Variants in NLGN1 observed in about 807,000 individuals in gnomAD.
The protein encoded by NLGN1 is neuroligin 1.
Under a neutral mutation model 65.5 loss-of-function variants are expected in NLGN1, and 12 were observed. That is an observed-to-expected ratio of 0.18 (90% CI 0.12 to 0.30). NLGN1 has a LOEUF of 0.30. Ranked by LOEUF, NLGN1 falls within the 10% of genes least tolerant of loss-of-function variation. The pLI is 1.00. For synonymous variants in NLGN1, 350 were observed against 359.5 expected, an observed-to-expected ratio of 0.97 and a Z score of 0.30; for missense variants, 750 against 1,007.1, an observed-to-expected ratio of 0.74 and a Z score of 3.46.
rs60140480 is a variant in NLGN1, at chr3:173,445,267, C to CAAAAAA, written c.-321+10212_-321+10217dup. Among the ~76,000 whole-genome samples, 18 of 103,484 alleles carry CAAAAAA rather than the reference C, an allele frequency of 1.7e-4. 1 individual carries two copies. Among genetic ancestry groups the CAAAAAA allele is most frequent in the African/African-American group, 7.7e-4 (18 of 23,484 alleles). The allele number at this position is 103,484 out of a possible 152,430, so 67.9% of individuals were successfully genotyped here. ...TGGGCGACAGAGCGAGACTCCGTCT[C>CAAAAAA]AAAAAAAAAAAAAAAAAAAAAAAAA... On this transcript the variant is annotated intron_variant, in intron 2 of 6. Coordinates refer to ENST00000457714, the Ensembl canonical transcript of NLGN1.
At chr3:173,481,513 T>C (rs1010370431) in intron 2 of NLGN1, among the ~76,000 whole-genome samples, 13 of 151,936 alleles carry the variant, frequency 8.6e-5, no homozygotes, top group Non-Finnish European at 1.5e-5. Context: ...ATTAGAATCA[T>C]ATTTCTTTAC....
At chr3:173,712,604 G>T (rs1026545225) in intron 3 of NLGN1, among the ~76,000 whole-genome samples, 1 of 152,074 alleles carries the variant, frequency 6.6e-6, no homozygotes, top group African/African-American at 2.4e-5. Flanking sequence ...ATTTCTAGGG[G>T]CCTCATTAAT....
intron 4 of NLGN1, among the ~76,000 whole-genome samples, chr3:174,032,792 A>T (rs9846943): frequency 0.029 from 4,436 of 152,120 alleles, 184 homozygotes; most frequent in African/African-American, 0.088. Flanking sequence ...TCTCCAGGGG[A>T]AGACTGTCAG....
At chr3:173,771,482 A>C (rs114868555) in intron 3 of NLGN1, among the ~76,000 whole-genome samples, 412 of 152,310 alleles carry the variant, frequency 2.7e-3, no homozygotes, top group African/African-American at 9.6e-3. Context: ...TATTGACTGA[A>C]TAGCAAGATA....
At chr3:173,771,641 G>C (rs1779602959) in intron 3 of NLGN1, among the ~76,000 whole-genome samples, 1 of 26,832 alleles carries the variant, frequency 3.7e-5, no homozygotes, top group African/African-American at 9.2e-5. Flanking sequence ...AAAATTAGAG[G>C]TCTCTAGAAT....
rs868816682 is a variant in NLGN1, at chr3:173,985,864, C to T, written c.646+178032C>T. Among the ~76,000 whole-genome samples, 7 of 151,784 alleles carry T rather than the reference C, an allele frequency of 4.6e-5. No homozygotes were observed. The East Asian group carries it at 7.8e-4, about 17-fold the overall frequency. On this transcript the variant is annotated intron_variant, in intron 4 of 6. Transcript: ENST00000457714. The stretch of plus-strand genomic sequence containing the variant: ...ACTATGGAGGCTGAGGCAGGAGAAT[C>T]GCTTGAACCTGGAAGGTGGAGGTTG...
chr3:173,678,151 GCC>G (rs1305782576), intron 3 of NLGN1, among the ~76,000 whole-genome samples: 2 of 152,024 alleles, frequency 1.3e-5, no homozygotes, highest in Non-Finnish European at 2.9e-5. Context: ...GCGTCCACAG[GCC>G]TTTAATGTGA....
In NLGN1 at chr3:173,922,028, C is replaced by T. The variant is rs545019791; in HGVS notation, c.646+114196C>T. Reference sequence around the variant, plus strand: ...GTGCTACATAATTCCTAAGCTTTACCTAATGTCTTTTGGTGGTGGTGGTGT... The same window carrying T: ...GTGCTACATAATTCCTAAGCTTTACTTAATGTCTTTTGGTGGTGGTGGTGT... On this transcript the variant is annotated intron_variant, in intron 4 of 6. Coordinates refer to ENST00000457714, the Ensembl canonical transcript of NLGN1. Among the ~76,000 whole-genome samples the T allele has an allele frequency of 5.6e-3, 853 of 152,204 alleles. 5 individuals carry two copies. Among genetic ancestry groups the T allele is most frequent in the African/African-American group, 0.02 (829 of 41,538 alleles).
At chr3:173,444,218 G>A (rs1267814597) in intron 2 of NLGN1, among the ~76,000 whole-genome samples, 1 of 152,144 alleles carries the variant, frequency 6.6e-6, no homozygotes, top group African/African-American at 2.4e-5. Flanking sequence ...CTCTTCTAAG[G>A]TTGTCATAAA....
intron 4 of NLGN1, among the ~76,000 whole-genome samples, chr3:173,829,698 A>G (rs1445824922): frequency 6.6e-6 from 1 of 152,168 alleles, no homozygotes; most frequent in African/African-American, 2.4e-5. Flanking sequence ...AATTCATTTT[A>G]TAACTGAAAG....
chr3:174,287,648 T>C (rs1340072918), downstream of NLGN1, among the ~76,000 whole-genome samples: 1 of 151,516 alleles, frequency 6.6e-6, no homozygotes, highest in Non-Finnish European at 1.5e-5. Context: ...ACTGTCTCAA[T>C]TTTGGAGAGT....
At chr3:173,957,561 T>A (rs1332473227) in intron 4 of NLGN1, among the ~76,000 whole-genome samples, 1 of 152,222 alleles carries the variant, frequency 6.6e-6, no homozygotes, top group Non-Finnish European at 1.5e-5. Flanking sequence ...TTTAGACTCC[T>A]AAACAATAAT....
chr3:174,147,119 T>C (rs907272880), intron 4 of NLGN1, among the ~76,000 whole-genome samples: 2 of 152,110 alleles, frequency 1.3e-5, no homozygotes, highest in African/African-American at 4.8e-5. Flanking sequence ...CATCCCCAGT[T>C]ATAGAAAAAG....
At chr3:173,621,987 A>G (rs9868927) in intron 3 of NLGN1, among the ~76,000 whole-genome samples, 67,055 of 151,896 alleles carry the variant, frequency 0.44, 16,021 homozygotes, top group Non-Finnish European at 0.55. Context: ...CATCAATTCA[A>G]AGAAATGCAC....
intron 1 of NLGN1, among the ~76,000 whole-genome samples, chr3:173,423,915 C>T (rs1715609311): frequency 6.6e-6 from 1 of 152,182 alleles, no homozygotes; most frequent in African/African-American, 2.4e-5. Context: ...AGCAGAGGTT[C>T]TCCACGAGGA....
chr3:174,232,520 A>G (rs1740913287), intron 4 of NLGN1, among the ~76,000 whole-genome samples: 1 of 152,234 alleles, frequency 6.6e-6, no homozygotes, highest in African/African-American at 2.4e-5. Flanking sequence ...GAAAACACAT[A>G]CAAATTTAAC....
rs79269354 is a variant in NLGN1, at chr3:174,207,757, C to T, written c.647-67558C>T. ...TTGTTCATGTGTCTTGCTGTCTCAA[C>T]AAACGACAATCTCTTATGCCTCTTT... is the stretch of plus-strand genomic sequence containing the variant. On this transcript the variant is annotated intron_variant, in intron 4 of 6. Transcript: ENST00000457714. Among the ~76,000 whole-genome samples the T allele has an allele frequency of 2.6e-3, 397 of 152,286 alleles. 12 individuals carry two copies. In the East Asian group the frequency reaches 0.06, roughly 23 times the overall value.
chr3:173,842,370 C>T (rs1382600774), intron 4 of NLGN1, among the ~76,000 whole-genome samples: 1 of 152,098 alleles, frequency 6.6e-6, no homozygotes, highest in East Asian at 1.9e-4. Context: ...CAAAACCTTC[C>T]CAACAGTCCC....
intron 4 of NLGN1, among the ~76,000 whole-genome samples, chr3:174,107,427 T>C (rs542700125): frequency 1.3e-5 from 2 of 152,298 alleles, no homozygotes; most frequent in East Asian, 1.9e-4. Context: ...CCTTAGTATA[T>C]TTCTGTAGAG....
Sources: gnomAD v4.1 joint callset for allele counts (sites outside exome capture counted in the v4.1 genomes callset) on GRCh38, gnomAD v4.1.1 for gene constraint, MANE v1.5 for transcripts, NCBI Gene and HGNC (gene_info 2026-07-23, HGNC 2026-07-21) for gene names.